NLGN1: variants seen among roughly 807,000 people sequenced by gnomAD.
The protein encoded by NLGN1 is neuroligin-1.
A neutral mutation model predicts 65.5 loss-of-function variants in NLGN1; 12 were observed. The ratio of observed to expected loss-of-function variants is 0.18; its 90% CI spans 0.12 to 0.30. NLGN1 has a LOEUF of 0.30. Among genes scored for constraint, NLGN1 ranks in the 10% least tolerant of loss-of-function variants. NLGN1 has a pLI of 1.00. For synonymous variants in NLGN1, 350 were observed against 359.5 expected (o/e 0.97, Z 0.30); for missense variants, 750 against 1,007.1 (o/e 0.74, Z 3.46).
At chr3:173,704,678 C>T (rs1016634765) in intron 3 of NLGN1, among the ~76,000 whole-genome samples, 2 of 152,102 alleles carry the variant, frequency 1.3e-5, no homozygotes, top group African/African-American at 4.8e-5. Context: ...CAGAAAAGCT[C>T]AGTGAGATTA....
chr3:173,525,049 C>T (rs1040005056), intron 2 of NLGN1, among the ~76,000 whole-genome samples: 4 of 152,084 alleles, frequency 2.6e-5, no homozygotes, highest in Non-Finnish European at 4.4e-5. Flanking sequence ...GTGTTCTTAC[C>T]TGATCAGAGG....
At chr3:173,927,946 A>G (rs770355687) in intron 4 of NLGN1, among the ~76,000 whole-genome samples, 12 of 152,156 alleles carry the variant, frequency 7.9e-5, no homozygotes, top group Non-Finnish European at 1.6e-4. Context: ...TGTGTCCGGC[A>G]CAGTGCTTTT....
chr3:173,819,804 C>T (rs764789451), intron 4 of NLGN1, among the ~76,000 whole-genome samples: 13 of 152,152 alleles, frequency 8.5e-5, no homozygotes, highest in Admixed American at 3.3e-4. Context: ...GCTCTGCATA[C>T]GTAATCAAAA....
chr3:174,284,080 C>A (rs1387879558), exon 7 of NLGN1: 2 of 151,272 alleles, frequency 1.3e-5, no homozygotes, highest in East Asian at 3.9e-4. Context: ...ATAACTGTCA[C>A]CCTCTTTATA....
intron 3 of NLGN1, among the ~76,000 whole-genome samples, chr3:173,753,146 C>G (rs1267406097): frequency 6.6e-6 from 1 of 152,082 alleles, no homozygotes; most frequent in Non-Finnish European, 1.5e-5. Context: ...GTCTTTAAAA[C>G]TACACTCATT....
chr3:174,193,220 T>C (rs1240933209), intron 4 of NLGN1, among the ~76,000 whole-genome samples: 2 of 152,186 alleles, frequency 1.3e-5, no homozygotes, highest in African/African-American at 4.8e-5. Context: ...GTCTAACAAT[T>C]AGTCATTGCT....
chr3:173,672,649 G>C (rs1762598654), intron 3 of NLGN1, among the ~76,000 whole-genome samples: 1 of 152,206 alleles, frequency 6.6e-6, no homozygotes, highest in African/African-American at 2.4e-5. Flanking sequence ...CCTTCAAGGA[G>C]ATAGTCTTCC....
intron 4 of NLGN1, among the ~76,000 whole-genome samples, chr3:173,839,058 G>A (rs1724233012): frequency 1.4e-5 from 2 of 144,116 alleles, no homozygotes; most frequent in African/African-American, 5.1e-5. Flanking sequence ...GACCCTCACA[G>A]TATTCTTTTT....
At chr3:173,752,144 A>G (rs1776391931) in intron 3 of NLGN1, among the ~76,000 whole-genome samples, 1 of 152,110 alleles carries the variant, frequency 6.6e-6, no homozygotes, top group Non-Finnish European at 1.5e-5. Flanking sequence ...AATGTAAGTT[A>G]TTTCCAGGAT....
At chr3:173,767,584 T>C (rs1778959272) in intron 3 of NLGN1, among the ~76,000 whole-genome samples, 1 of 152,024 alleles carries the variant, frequency 6.6e-6, no homozygotes, top group Admixed American at 6.6e-5. Flanking sequence ...TTTAAGACCT[T>C]TTCACGACAA....
chr3:173,739,477 G>A (rs1454580927), intron 3 of NLGN1, among the ~76,000 whole-genome samples: 1 of 152,046 alleles, frequency 6.6e-6, no homozygotes, highest in Non-Finnish European at 1.5e-5. Context: ...TGCTTATCTT[G>A]TCAACGGAAG....
In NLGN1 at chr3:173,729,797, G is replaced by T. The variant is rs138448318; in HGVS notation, c.494-77883G>T. Among the ~76,000 whole-genome samples, 589 of 152,096 alleles carry T rather than the reference G, an allele frequency of 3.9e-3. 4 individuals carry two copies. The highest frequency in any genetic ancestry group is 5.1e-3 in the Non-Finnish European group (347 of 67,968). ...CACTCACAATATAAATGTGTATGTG[G>T]TGGGACCCATACATTGGTGGTTCTG... is the stretch of plus-strand genomic sequence containing the variant. On this transcript the variant is annotated intron_variant, in intron 3 of 6. Coordinates refer to ENST00000457714, the Ensembl canonical transcript of NLGN1.
chr3:173,861,265 C>A (rs1196628528), intron 4 of NLGN1, among the ~76,000 whole-genome samples: 1 of 151,740 alleles, frequency 6.6e-6, no homozygotes, highest in African/African-American at 2.4e-5. Context: ...TTTCTCTTAT[C>A]TTTCATACTG....
intron 2 of NLGN1, among the ~76,000 whole-genome samples, chr3:173,484,527 A>G (rs1357497995): frequency 6.6e-6 from 1 of 152,162 alleles, no homozygotes; most frequent in African/African-American, 2.4e-5. Flanking sequence ...CTGAGTGTAG[A>G]TGCAATGCAT....
intron 4 of NLGN1, among the ~76,000 whole-genome samples, chr3:174,245,189 T>C (rs1047844777): frequency 6.6e-6 from 1 of 152,140 alleles, no homozygotes; most frequent in Non-Finnish European, 1.5e-5. Context: ...TAGATTCCAT[T>C]TGGGAAGTGG....
At chr3:173,595,424 C>CA (rs751708772) in intron 2 of NLGN1, among the ~76,000 whole-genome samples, 61 of 152,178 alleles carry the variant, frequency 4.0e-4, no homozygotes, top group Non-Finnish European at 1.0e-4. Flanking sequence ...TCATCTTCAT[C>CA]TGAGACCACC....
rs1393325163 is a variant in NLGN1 at position 173,723,501 on chromosome 3, G to T, written c.494-84179G>T. ...TCTCATTTCAATGTTGAATCATAGT[G>T]GAAACTTACTGAAGATATTAAATTC... is the stretch of plus-strand genomic sequence containing the variant. On this transcript the variant is annotated intron_variant, in intron 3 of 6. Transcript: ENST00000457714. Among the ~76,000 whole-genome samples the T allele has an allele frequency of 3.3e-5, 5 of 152,090 alleles. No homozygotes were observed. The South Asian group carries it at 8.3e-4, about 25-fold the overall frequency.
chr3:174,160,326 C>T (rs915037464), intron 4 of NLGN1, among the ~76,000 whole-genome samples: 1 of 151,662 alleles, frequency 6.6e-6, no homozygotes, highest in Non-Finnish European at 1.5e-5. Context: ...CCTGATTCCT[C>T]TCTCCTAAAT....
At chr3:174,090,590 G>T (rs1361961300) in intron 4 of NLGN1, among the ~76,000 whole-genome samples, 2 of 152,158 alleles carry the variant, frequency 1.3e-5, no homozygotes, top group Admixed American at 1.3e-4. Flanking sequence ...ACACTGAGAA[G>T]GTTGGTCATT....
Sources: allele counts gnomAD v4.1 joint callset (sites outside exome capture counted in the v4.1 genomes callset), GRCh38; gene constraint gnomAD v4.1.1; transcripts MANE v1.5; gene names NCBI Gene and HGNC (gene_info 2026-07-23, HGNC 2026-07-21).